AGMO: variants seen among roughly 807,000 people sequenced by gnomAD.
AGMO encodes the protein glyceryl-ether monooxygenase.
In AGMO, 75 loss-of-function variants were observed where a neutral mutation model predicts 60.2. The ratio of observed to expected loss-of-function variants is 1.25; its 90% CI spans 1.03 to 1.51. The LOEUF is 1.51. Among genes scored for constraint, AGMO ranks in the 40% most tolerant of loss-of-function variants. The pLI is 0.00. For synonymous variants in AGMO, 261 were observed against 177.1 expected (o/e 1.47, Z -3.76); for missense variants, 763 against 525.5 (o/e 1.45, Z -4.42).
At chr7:15,427,026 T>C (rs1781084830) in intron 4 of AGMO, among the ~76,000 whole-genome samples, 1 of 152,016 alleles carries the variant, frequency 6.6e-6, no homozygotes, top group Admixed American at 6.6e-5. Context: ...ATTCGAATGG[T>C]GGTCTGAAAA....
At chr7:15,298,570 T>A (rs1260499403) in intron 12 of AGMO, among the ~76,000 whole-genome samples, 1 of 152,056 alleles carries the variant, frequency 6.6e-6, no homozygotes, top group Non-Finnish European at 1.5e-5. Flanking sequence ...CTCAGATTAT[T>A]TGTGTATTTT....
At chr7:15,520,244 T>C (rs1206490454) in intron 3 of AGMO, among the ~76,000 whole-genome samples, 1 of 151,882 alleles carries the variant, frequency 6.6e-6, no homozygotes, top group Non-Finnish European at 1.5e-5. Context: ...CAGAAAAAAA[T>C]AGTGGGAGAC....
chr7:15,453,706 G>C (rs1583568474), intron 3 of AGMO, among the ~76,000 whole-genome samples: 3 of 152,204 alleles, frequency 2.0e-5, no homozygotes, highest in African/African-American at 7.2e-5. Flanking sequence ...CAGGCTTAGA[G>C]CTTCAGCTTG....
intron 12 of AGMO, among the ~76,000 whole-genome samples, chr7:15,267,765 A>C (rs899766113): frequency 1.3e-5 from 2 of 151,966 alleles, no homozygotes; most frequent in African/African-American, 4.8e-5. Flanking sequence ...AGCTGAAGGG[A>C]AAAACTTGTA....
chr7:15,430,924 T>TTTTTTG, intron 4 of AGMO, 81 bp downstream of exon 4: 1 of 706,832 alleles, frequency 1.4e-6, no homozygotes, highest in Non-Finnish European at 2.1e-6. Flanking sequence ...ATTAGTTTTT[T>TTTTTTG]TTTTTTTTTG....
chr7:15,354,384 GTGTGTGTATACACGTGTGTGTACACA>G (rs1782394452), intron 12 of AGMO, among the ~76,000 whole-genome samples: 1 of 4,968 alleles, frequency 2.0e-4, no homozygotes, highest in African/African-American at 6.1e-4. Flanking sequence ...GTGTATACAC[GTGTGTGTATACACGTGTGTGTACACA>G]CGTGTGTGTA....
At chr7:15,123,265 T>A in the AGMO span, among the ~76,000 whole-genome samples, 1 of 152,102 alleles carries the variant, frequency 6.6e-6, no homozygotes, top group Non-Finnish European at 1.5e-5. Flanking sequence ...TTATTTACTG[T>A]CCTTTATTTT....
chr7:15,164,790 G>C, the AGMO span, among the ~76,000 whole-genome samples: 8 of 152,216 alleles, frequency 5.3e-5, no homozygotes, highest in Middle Eastern at 0.01. Flanking sequence ...CTTATTCACT[G>C]TTTGTGGAAA....
At chr7:15,413,155 A>G (rs1294471330) in intron 5 of AGMO, among the ~76,000 whole-genome samples, 1 of 152,244 alleles carries the variant, frequency 6.6e-6, no homozygotes, top group African/African-American at 2.4e-5. Flanking sequence ...GTTTATTTAA[A>G]AAAGCCAAAT....
In AGMO at chr7:15,531,417, CTATATATATTCTA is replaced by C. The variant is rs1239566190; in HGVS notation, c.409+13342_409+13354del. Among the ~76,000 whole-genome samples the C allele has an allele frequency of 8.7e-3, 491 of 56,688 alleles. 25 individuals carry two copies. The highest frequency in any genetic ancestry group is 0.012 in the Non-Finnish European group (402 of 34,050). 37.2% of individuals were successfully genotyped at this position (56,688 alleles called of 152,430 possible). A position where few individuals can be genotyped will look rare whatever the true frequency, so the allele number is the denominator to read the frequency against. ...TCTATATATATATTCTATATATATT[CTATATATATTCTA>C]TATATATATTCTATATATATTCTCT... On this transcript the variant is annotated intron_variant, in intron 3 of 12. Transcript: ENST00000342526.
intron 12 of AGMO, among the ~76,000 whole-genome samples, chr7:15,277,631 C>T (rs1783840820): frequency 6.6e-6 from 1 of 152,118 alleles, no homozygotes; most frequent in South Asian, 2.1e-4. Flanking sequence ...GCCCTGTGCA[C>T]TTCTGTCAGC....
At chr7:15,408,353 ATTG>A (rs1337313049) in intron 5 of AGMO, among the ~76,000 whole-genome samples, 1 of 151,832 alleles carries the variant, frequency 6.6e-6, no homozygotes, top group Non-Finnish European at 1.5e-5. Context: ...AATCATCACA[ATTG>A]TTGTATGAAA....
chr7:15,271,388 T>A (rs1290897356), intron 12 of AGMO, among the ~76,000 whole-genome samples: 1 of 152,188 alleles, frequency 6.6e-6, no homozygotes, highest in Non-Finnish European at 1.5e-5. Flanking sequence ...TTCAGCTTCT[T>A]GGTTAAATGT....
intron 3 of AGMO, among the ~76,000 whole-genome samples, chr7:15,524,895 T>C (rs971955468): frequency 6.6e-6 from 1 of 151,540 alleles, no homozygotes; most frequent in Non-Finnish European, 1.5e-5. Flanking sequence ...TATGTCTTTG[T>C]ATGTCTTTGT....
In AGMO at chr7:15,474,491, G is replaced by A. The variant is rs368673363; in HGVS notation, c.410-43383C>T. 3.3e-5 allele frequency among the ~76,000 whole-genome samples: 5 copies of A among 152,096 alleles called. No homozygotes were observed. The South Asian group carries it at 6.2e-4, about 19-fold the overall frequency. ...ACTGGTGTCGGAAAAACTGGATAGC[G>A]ATATGCAGAAAACTGAAACTGAACC... On this transcript the variant is annotated intron_variant, in intron 3 of 12. Transcript: ENST00000342526.
chr7:15,280,349 ACTT>A (rs769144939), intron 12 of AGMO, among the ~76,000 whole-genome samples: 2 of 152,086 alleles, frequency 1.3e-5, no homozygotes, highest in African/African-American at 2.4e-5. Context: ...CTGTGCCAAC[ACTT>A]CTTCACAGCA....
chr7:15,383,436 A>AG (rs1312409911), intron 10 of AGMO, among the ~76,000 whole-genome samples: 13 of 152,164 alleles, frequency 8.5e-5, no homozygotes, highest in African/African-American at 2.9e-4. Context: ...AATAAAAAAA[A>AG]GTCCCACCTA....
At chr7:15,388,891 G>A (rs1185437897) in intron 8 of AGMO, among the ~76,000 whole-genome samples, 1 of 152,146 alleles carries the variant, frequency 6.6e-6, no homozygotes. Context: ...AGACCCACTT[G>A]TGGCAATTAC....
chr7:15,350,113 A>G (rs1782185951), intron 12 of AGMO, among the ~76,000 whole-genome samples: 1 of 152,170 alleles, frequency 6.6e-6, no homozygotes, highest in African/African-American at 2.4e-5. Context: ...TTAATTCATA[A>G]TAACTGTGTT....
Sources: allele counts gnomAD v4.1 joint callset (sites outside exome capture counted in the v4.1 genomes callset), GRCh38; gene constraint gnomAD v4.1.1; transcripts MANE v1.5; gene names NCBI Gene and HGNC (gene_info 2026-07-23, HGNC 2026-07-21).